THRB: variants seen among roughly 807,000 people sequenced by gnomAD.
THRB encodes thyroid hormone receptor beta.
Under a neutral mutation model 47.8 loss-of-function variants are expected in THRB, and 12 were observed. That is an observed-to-expected ratio of 0.25 (90% CI 0.16 to 0.41). The LOEUF (loss-of-function observed/expected upper bound fraction) is 0.41. Ranked by LOEUF, THRB falls within the 10% of genes least tolerant of loss-of-function variation. The pLI is 1.00. For missense variants in THRB, 348 were observed against 589.2 expected (o/e 0.59, Z 4.24); for synonymous variants, 218 against 212.2 (o/e 1.03, Z -0.24).
rs1282738608 is a variant in THRB, at chr3:24,194,384, CAT to C, written c.23-4052_23-4051del. 5.9e-5 allele frequency among the ~76,000 whole-genome samples: 9 copies of C among 152,222 alleles called. No homozygotes were observed. The East Asian group carries it at 1.7e-3, about 29-fold the overall frequency. ...AAAAAACGAGCATTCTAGAAACGAT[CAT>C]ATCTTGTTATTCATATAAATTATGA... On this transcript the variant is annotated intron_variant, in intron 4 of 10. Coordinates refer to ENST00000646209, the MANE Select transcript of THRB (RefSeq NM_001354712.2).
intron 2 of THRB, among the ~76,000 whole-genome samples, chr3:24,324,986 T>C (rs2058713385): frequency 6.6e-6 from 1 of 152,224 alleles, no homozygotes; most frequent in Admixed American, 6.5e-5. Context: ...ATAAAATGAA[T>C]AAAATCGATA....
intron 2 of THRB, among the ~76,000 whole-genome samples, chr3:24,314,985 C>G (rs1164790653): frequency 6.6e-6 from 1 of 152,194 alleles, no homozygotes; most frequent in African/African-American, 2.4e-5. Context: ...GTATTACCCT[C>G]CTTCCTCTCC....
intron 10 of THRB, among the ~76,000 whole-genome samples, chr3:24,124,935 G>A (rs980206257): frequency 3.3e-5 from 5 of 152,214 alleles, no homozygotes; most frequent in Admixed American, 3.3e-4. Context: ...AGGGTGGATT[G>A]TGAAAAGTTA....
At chr3:24,374,127 G>A (rs758909290) in intron 1 of THRB, among the ~76,000 whole-genome samples, 6 of 152,066 alleles carry the variant, frequency 3.9e-5, no homozygotes, top group South Asian at 4.1e-4. Context: ...AATGTCTTAA[G>A]TAGCCAAAAT....
At chr3:24,357,346 CAAAAAAAAAA>C (rs781709724) in intron 1 of THRB, among the ~76,000 whole-genome samples, 20 of 28,732 alleles carry the variant, frequency 7.0e-4, no homozygotes, top group African/African-American at 1.9e-3. Flanking sequence ...TTGTCTCTCC[CAAAAAAAAAA>C]AAAAAAAAAA....
chr3:24,328,655 C>T (rs1446986861), intron 2 of THRB, among the ~76,000 whole-genome samples: 1 of 152,194 alleles, frequency 6.6e-6, no homozygotes, highest in Non-Finnish European at 1.5e-5. Flanking sequence ...ATACATCCAT[C>T]TTCTCTATTC....
intron 8 of THRB, among the ~76,000 whole-genome samples, chr3:24,141,775 C>T (rs2035481855): frequency 6.6e-6 from 1 of 152,168 alleles, no homozygotes; most frequent in African/African-American, 2.4e-5. Flanking sequence ...TTCTACCTTA[C>T]TTGGAATTCA....
At chr3:24,190,785 G>A (rs1357401543) in intron 4 of THRB, among the ~76,000 whole-genome samples, 1 of 151,790 alleles carries the variant, frequency 6.6e-6, no homozygotes, top group Non-Finnish European at 1.5e-5. Context: ...AAGCTGACCT[G>A]AGGGACACCC....
chr3:24,441,736 T>C (rs1375250509), intron 1 of THRB, among the ~76,000 whole-genome samples: 5 of 152,210 alleles, frequency 3.3e-5, no homozygotes, highest in African/African-American at 1.2e-4. Context: ...TGTGATTAAG[T>C]GTGCCCTTCA....
At chr3:24,457,991 AAATGAAGATTCTGGTC>A (rs879828692) in intron 1 of THRB, 4 of 152,188 alleles carry the variant, frequency 2.6e-5, no homozygotes, top group African/African-American at 4.8e-5. Context: ...GCATCTTGTT[AAATGAAGATTCTGGTC>A]CAACAGGTCT....
intron 1 of THRB, among the ~76,000 whole-genome samples, chr3:24,361,437 T>C (rs530674462): frequency 6.6e-6 from 1 of 152,240 alleles, no homozygotes; most frequent in East Asian, 1.9e-4. Context: ...TTTTGTTCTA[T>C]GCAATGCCTA....
At chr3:24,269,299 ACACACACACACACACACACACACGT>A (rs2053003955) in intron 3 of THRB, among the ~76,000 whole-genome samples, 2 of 100,030 alleles carry the variant, frequency 2.0e-5, no homozygotes, top group Non-Finnish European at 2.3e-5. Flanking sequence ...ACACACACAC[ACACACACACACACACACACACACGT>A]TATCTTTGCT....
At chr3:24,451,516 T>G (rs1302181192) in intron 1 of THRB, among the ~76,000 whole-genome samples, 1 of 152,178 alleles carries the variant, frequency 6.6e-6, no homozygotes, top group Non-Finnish European at 1.5e-5. Context: ...ATTACAGGCG[T>G]GAGCCACCAC....
At chr3:24,216,562 T>C (rs2046587391) in intron 4 of THRB, among the ~76,000 whole-genome samples, 1 of 151,994 alleles carries the variant, frequency 6.6e-6, no homozygotes, top group Non-Finnish European at 1.5e-5. Flanking sequence ...GAGCCGAGAT[T>C]GTGCCACTGT....
chr3:24,124,031 T>C (rs2032222169), intron 10 of THRB, among the ~76,000 whole-genome samples: 1 of 152,196 alleles, frequency 6.6e-6, no homozygotes, highest in Admixed American at 6.5e-5. Context: ...ATTCCTCAAA[T>C]AGCTCCAGGA....
intron 1 of THRB, among the ~76,000 whole-genome samples, chr3:24,376,228 G>C (rs1276835255): frequency 6.6e-6 from 1 of 152,196 alleles, no homozygotes; most frequent in Admixed American, 6.5e-5. Context: ...TTAGGCACTA[G>C]ACAACAGTCC....
chr3:24,240,760 T>C (rs773025202), intron 3 of THRB, among the ~76,000 whole-genome samples: 2 of 152,164 alleles, frequency 1.3e-5, no homozygotes, highest in Non-Finnish European at 2.9e-5. Context: ...TTCAGTTAGT[T>C]TGGGGTGCCT....
intron 6 of THRB, among the ~76,000 whole-genome samples, chr3:24,148,709 G>A (rs917057943): frequency 2.6e-5 from 4 of 152,096 alleles, no homozygotes; most frequent in Admixed American, 6.5e-5. Context: ...GATTATATAC[G>A]TATACCCTAT....
chr3:24,212,844 CT>C (rs2046200319), intron 4 of THRB, among the ~76,000 whole-genome samples: 1 of 152,144 alleles, frequency 6.6e-6, no homozygotes, highest in African/African-American at 2.4e-5. Context: ...CCTCTGTCTT[CT>C]GTATCTAATT....
Sources: gnomAD v4.1 joint callset for allele counts (sites outside exome capture counted in the v4.1 genomes callset) on GRCh38, gnomAD v4.1.1 for gene constraint, MANE v1.5 for transcripts, NCBI Gene and HGNC (gene_info 2026-07-23, HGNC 2026-07-21) for gene names.